SORBS2: variants seen among roughly 807,000 people sequenced by gnomAD.
The protein encoded by SORBS2 is sorbin and SH3 domain containing 2.
In SORBS2, 46 loss-of-function variants were observed where a neutral mutation model predicts 97.7. The ratio of observed to expected loss-of-function variants is 0.47; its 90% CI spans 0.37 to 0.60. SORBS2 has a LOEUF of 0.60. Among genes scored for constraint, SORBS2 ranks in the 20% least tolerant of loss-of-function variants. SORBS2 has a pLI of 0.00. For missense variants in SORBS2, 1,316 were observed against 1,282.3 expected, an observed-to-expected ratio of 1.03 and a Z score of -0.40; for synonymous variants, 476 against 473.4, an observed-to-expected ratio of 1.01 and a Z score of -0.07.
At chr4:185,882,993 G>C (rs2099237616) in intron 1 of SORBS2, among the ~76,000 whole-genome samples, 1 of 151,732 alleles carries the variant, frequency 6.6e-6, no homozygotes, top group African/African-American at 2.4e-5. Flanking sequence ...CCTTAGATTA[G>C]AAAAATATTT....
chr4:185,624,258 G>T (rs772018805), exon 7 of SORBS2: 9 of 1,614,088 alleles, frequency 5.6e-6, no homozygotes, highest in Non-Finnish European at 7.6e-6. Flanking sequence ...TCGTTTAGGA[G>T]ATCGTCACAG....
chr4:185,904,335 A>T (rs1374769636), intron 1 of SORBS2, among the ~76,000 whole-genome samples: 1 of 152,146 alleles, frequency 6.6e-6, no homozygotes, highest in Non-Finnish European at 1.5e-5. Context: ...TGGGAGGAAG[A>T]TCTAAGTTCA....
At chr4:185,844,273 A>G (rs1365782655) in intron 1 of SORBS2, among the ~76,000 whole-genome samples, 1 of 152,170 alleles carries the variant, frequency 6.6e-6, no homozygotes, top group Non-Finnish European at 1.5e-5. Context: ...AAGACAAAGA[A>G]CCCAATTCAA....
At chr4:185,801,309 T>C (rs1465629989) in intron 1 of SORBS2, among the ~76,000 whole-genome samples, 1 of 152,232 alleles carries the variant, frequency 6.6e-6, no homozygotes, top group Non-Finnish European at 1.5e-5. Flanking sequence ...TTTCCATATT[T>C]ATTCCTTTCC....
In SORBS2 at chr4:185,768,712, C is replaced by A. The variant is rs142135157; in HGVS notation, c.-198+6515G>T. ...AGACTCTGTCTCAAAAAAAAAAAAACAAAAAAACAAAAAAAAATGCAAATT... is the reference window on the plus strand; with the variant it reads ...AGACTCTGTCTCAAAAAAAAAAAAAAAAAAAAACAAAAAAAAATGCAAATT... On this transcript the variant is annotated intron_variant, in intron 2 of 20. Coordinates refer to the SORBS2 transcript ENST00000284776. Among the ~76,000 whole-genome samples the A allele has an allele frequency of 9.1e-3, 1,062 of 116,468 alleles. 14 individuals carry two copies. Among genetic ancestry groups the A allele is most frequent in the African/African-American group, 0.015 (470 of 30,650 alleles). 76.4% of individuals were successfully genotyped at this position (116,468 alleles called of 152,430 possible). A position where few individuals can be genotyped will look rare whatever the true frequency, so the allele number is the denominator to read the frequency against.
rs757371296 is a variant in SORBS2 at position 185,645,369 on chromosome 4, G to GTT, written c.396+1297_396+1298dup. ...ACAGAAACTAGTAAATGGGTTACAAGTTTGCAATGGTGCCTGCAAATCAGT... is the reference window on the plus strand; with the variant it reads ...ACAGAAACTAGTAAATGGGTTACAAGTTTTTGCAATGGTGCCTGCAAATCAGT... On this transcript the variant is annotated intron_variant, in intron 4 of 14. Transcript: ENST00000418609. Among the ~76,000 whole-genome samples, 13 of 152,200 alleles carry GTT rather than the reference G, an allele frequency of 8.5e-5. No individual in the cohort carries two copies. In the East Asian group the frequency reaches 2.3e-3, roughly 27 times the overall value.
intron 1 of SORBS2, among the ~76,000 whole-genome samples, chr4:185,905,944 G>C (rs1024895075): frequency 1.3e-5 from 2 of 152,184 alleles, no homozygotes; most frequent in African/African-American, 2.4e-5. Flanking sequence ...AGGACCCTCT[G>C]CCTCCTTCTC....
At chr4:185,588,904 C>T (rs921719262) in intron 14 of SORBS2, among the ~76,000 whole-genome samples, 1 of 152,250 alleles carries the variant, frequency 6.6e-6, no homozygotes, top group South Asian at 2.1e-4. Context: ...CATGAGCCAC[C>T]GCACCCGGCC....
intron 4 of SORBS2, among the ~76,000 whole-genome samples, chr4:185,634,587 G>A (rs1362074030): frequency 6.6e-6 from 1 of 151,668 alleles, no homozygotes; most frequent in Non-Finnish European, 1.5e-5. Flanking sequence ...CAGAGAGCAG[G>A]TTAACAAGCT....
At chr4:185,707,472 T>C (rs1299177646) in intron 2 of SORBS2, among the ~76,000 whole-genome samples, 4 of 152,154 alleles carry the variant, frequency 2.6e-5, no homozygotes, top group Admixed American at 1.3e-4. Context: ...AATGCTCATG[T>C]ATACTATAAT....
At chr4:185,780,368 C>T (rs2099022493) in intron 1 of SORBS2, among the ~76,000 whole-genome samples, 2 of 152,126 alleles carry the variant, frequency 1.3e-5, no homozygotes, top group Non-Finnish European at 2.9e-5. Flanking sequence ...TGAAGTGAAG[C>T]ATATGCAAGA....
intron 2 of SORBS2, among the ~76,000 whole-genome samples, chr4:185,729,799 T>G (rs1301324157): frequency 6.6e-6 from 1 of 152,242 alleles, no homozygotes; most frequent in East Asian, 1.9e-4. Flanking sequence ...TTATGTAATT[T>G]TTTTTCAGGG....
chr4:185,949,620 T>A (rs2099276212), intron 1 of SORBS2, among the ~76,000 whole-genome samples: 1 of 151,914 alleles, frequency 6.6e-6, no homozygotes, highest in African/African-American at 2.4e-5. Context: ...TGTTAAAAAA[T>A]TGAATTTTAA....
intron 1 of SORBS2, among the ~76,000 whole-genome samples, chr4:185,885,394 C>T (rs1316458827): frequency 6.6e-6 from 1 of 152,234 alleles, no homozygotes; most frequent in Non-Finnish European, 1.5e-5. Context: ...AAGCCAAGAA[C>T]ATAATGAAGG....
intron 1 of SORBS2, among the ~76,000 whole-genome samples, chr4:185,811,450 GT>G (rs2099184416): frequency 6.6e-6 from 1 of 152,128 alleles, no homozygotes; most frequent in Non-Finnish European, 1.5e-5. Context: ...TATCGGTCAT[GT>G]TTTTTATCTT....
In SORBS2 at chr4:185,606,887, C is replaced by A; in HGVS notation, c.2796+4893G>T. 4.0e-6 allele frequency: 4 copies of A among 988,144 alleles called. No individual in the cohort carries two copies. Among genetic ancestry groups the A allele is most frequent in the Non-Finnish European group, 4.8e-6 (4 of 831,378 alleles). 61.2% of individuals were successfully genotyped at this position (988,144 alleles called of 1,614,324 possible). ...GTGCACGCAGAGGCCACAAAATTATCCCCTAGGACTTCTGGTGCCTTTTTA... is the reference window on the plus strand; with the variant it reads ...GTGCACGCAGAGGCCACAAAATTATACCCTAGGACTTCTGGTGCCTTTTTA... On this transcript the variant is annotated intron_variant, in intron 12 of 14. Transcript: ENST00000418609. This position sits in a 1 kb window ranked among gnomAD's most constrained non-coding sequence, Gnocchi z 4.3.
At chr4:185,638,055 T>C (rs2097053745) in intron 4 of SORBS2, 24 bp downstream of exon 15, 3 of 1,357,622 alleles carry the variant, frequency 2.2e-6, no homozygotes, top group South Asian at 1.2e-5. Context: ...AGTTTTCTTA[T>C]ATTAATAGTC....
At chr4:185,947,238 C>T (rs74707658) in intron 1 of SORBS2, among the ~76,000 whole-genome samples, 4,502 of 152,282 alleles carry the variant, frequency 0.03, 243 homozygotes, top group African/African-American at 0.1. Context: ...ACAGTAATGG[C>T]ACTCTTATGG....
chr4:185,708,288 A>C (rs981017847), intron 2 of SORBS2, among the ~76,000 whole-genome samples: 1 of 152,226 alleles, frequency 6.6e-6, no homozygotes, highest in African/African-American at 2.4e-5. Flanking sequence ...GTCACTACAT[A>C]ATAACTCACG....
Sources: allele counts gnomAD v4.1 joint callset (sites outside exome capture counted in the v4.1 genomes callset), GRCh38; gene constraint gnomAD v4.1.1; non-coding constraint Gnocchi (gnomAD v3.1); transcripts MANE v1.5; gene names NCBI Gene and HGNC (gene_info 2026-07-23, HGNC 2026-07-21).